ATP6V0A1: variants seen among roughly 807,000 people sequenced by gnomAD.
The protein encoded by ATP6V0A1 is ATPase H+ transporting V0 subunit a1, also known as V-type proton ATPase 116 kDa subunit a 1.
ATP6V0A1 carries 43 observed loss-of-function variants against 105.4 expected under a neutral mutation model. That is an observed-to-expected ratio of 0.41 (90% CI 0.32 to 0.53). The LOEUF (loss-of-function observed/expected upper bound fraction) is 0.53. Ranked by LOEUF, ATP6V0A1 falls within the 20% of genes least tolerant of loss-of-function variation. The pLI is 0.30. For missense variants in ATP6V0A1, 676 were observed against 1,051.1 expected (o/e 0.64, Z 4.93); for synonymous variants, 362 against 372.8 (o/e 0.97, Z 0.33).
Position 42,522,538 on chromosome 17 carries a change from A to G in ATP6V0A1, c.*1418A>G, listed in dbSNP as rs986600264. On this transcript the variant is annotated 3_prime_UTR_variant, in exon 22 of 22. Coordinates refer to ENST00000343619, the MANE Select transcript of ATP6V0A1 (RefSeq NM_001130021.3). ...AACCCTGCCCAAGGTCCTCCTGTTC[A>G]GACATTCCTATGTTGAATAAAGTAT... is the stretch of plus-strand genomic sequence containing the variant. 6.6e-6 allele frequency: 1 copy of G among 152,506 alleles called. No individual in the cohort carries two copies. The highest frequency in any genetic ancestry group is 1.5e-5 in the Non-Finnish European group (1 of 68,148). The allele number at this position is 152,506 out of a possible 1,614,324, so 9.4% of individuals were successfully genotyped here.
chr17:42,495,322 G>A (rs1438801222), intron 13 of ATP6V0A1, 134 bp downstream of exon 13: 2 of 973,096 alleles, frequency 2.1e-6, no homozygotes, highest in Middle Eastern at 2.9e-4. Flanking sequence ...CACACTGTGA[G>A]TTGCTTTGTG....
At chr17:42,495,224 T>G (rs1180504019) in intron 13 of ATP6V0A1, 36 bp downstream of exon 13, 1 of 1,604,820 alleles carries the variant, frequency 6.2e-7, no homozygotes, top group African/African-American at 1.3e-5. Flanking sequence ...CAAAGCTTAT[T>G]CCTTTCATGT....
At chr17:42,482,408 A>G (rs753745496) in intron 8 of ATP6V0A1, among the ~76,000 whole-genome samples, 6 of 152,096 alleles carry the variant, frequency 3.9e-5, no homozygotes, top group Non-Finnish European at 7.4e-5. Context: ...CAGCCTCCCA[A>G]AGTGCTGGGA....
intron 14 of ATP6V0A1, among the ~76,000 whole-genome samples, chr17:42,497,973 C>T (rs917949423): frequency 2.0e-5 from 3 of 151,500 alleles, no homozygotes; most frequent in African/African-American, 7.3e-5. Context: ...TGGCCGGGCG[C>T]AGTGACTCAA....
chr17:42,465,505 G>A (rs1317614248), intron 2 of ATP6V0A1, among the ~76,000 whole-genome samples: 1 of 151,704 alleles, frequency 6.6e-6, no homozygotes, highest in South Asian at 2.1e-4. Flanking sequence ...GGCCAGGCTG[G>A]TCTTGAACTC....
intron 7 of ATP6V0A1, 29 bp from the exon 8 acceptor site, chr17:42,480,638 A>T (rs1330810307): frequency 1.3e-6 from 2 of 1,593,986 alleles, no homozygotes; most frequent in Non-Finnish European, 8.5e-7. Flanking sequence ...CAGAAGTCTG[A>T]ACTCTTGTTT....
chr17:42,498,549 C>A (rs970085598), intron 14 of ATP6V0A1, among the ~76,000 whole-genome samples: 3 of 151,950 alleles, frequency 2.0e-5, no homozygotes, highest in African/African-American at 7.3e-5. Flanking sequence ...AATTGTCGAC[C>A]GGGCGCGGTG....
intron 10 of ATP6V0A1, among the ~76,000 whole-genome samples, chr17:42,487,878 TA>T (rs1387564786): frequency 6.6e-6 from 1 of 152,252 alleles, no homozygotes. Context: ...ATGTATATCA[TA>T]GCGTAGCATA....
intron 15 of ATP6V0A1, 21 bp downstream of exon 15, chr17:42,499,063 C>T (rs894120375): frequency 6.6e-7 from 1 of 1,506,456 alleles, no homozygotes. Context: ...CCATTTCTGT[C>T]ATAAGAATGT....
intron 17 of ATP6V0A1, chr17:42,507,255 G>A (rs1170367069): frequency 1.7e-5 from 6 of 357,124 alleles, no homozygotes; most frequent in Middle Eastern, 8.3e-4. Context: ...GGTGAGGCTG[G>A]TGCCTCTTGG....
Position 42,469,420 on chromosome 17 carries a change from T to G in ATP6V0A1, c.295-670T>G, listed in dbSNP as rs1013007486. The stretch of plus-strand genomic sequence containing the variant: ...ATCTTGGCTCACTGCAACCTCCGCC[T>G]CCCGGGTTCAAGCCATTCTCCTGCC... On this transcript the variant is annotated intron_variant, in intron 4 of 21. Transcript: ENST00000343619. 2.2e-5 allele frequency among the ~76,000 whole-genome samples: 3 copies of G among 138,770 alleles called. No homozygotes were observed. The Admixed American group carries it at 2.4e-4, about 11-fold the overall frequency. The allele number at this position is 138,770 out of a possible 152,430, so 91.0% of individuals were successfully genotyped here.
chr17:42,520,857 C>G (rs2092814866), intron 21 of ATP6V0A1, 170 bp from the exon 22 acceptor site: 1 of 650,692 alleles, frequency 1.5e-6, no homozygotes, highest in Non-Finnish European at 2.7e-6. Context: ...AACTCTTGAT[C>G]CCAGGCCTTA....
chr17:42,465,446 A>G (rs1257573213), intron 2 of ATP6V0A1, among the ~76,000 whole-genome samples: 2 of 150,606 alleles, frequency 1.3e-5, no homozygotes, highest in Non-Finnish European at 3.0e-5. Flanking sequence ...GTACACTACC[A>G]TGCCCGGCTA....
chr17:42,493,964 C>T (rs897438350), intron 11 of ATP6V0A1, among the ~76,000 whole-genome samples: 3 of 152,116 alleles, frequency 2.0e-5, no homozygotes, highest in Admixed American at 2.0e-4. Flanking sequence ...TTATGGAAGC[C>T]TGGGCACGGT....
At chr17:42,467,146 C>CAA (rs11320569) in intron 3 of ATP6V0A1, among the ~76,000 whole-genome samples, 1 of 144,824 alleles carries the variant, frequency 6.9e-6, no homozygotes. Flanking sequence ...GACTCCGTCT[C>CAA]AAAAAAAAAA....
chr17:42,495,226 CT>C, intron 13 of ATP6V0A1, 38 bp downstream of exon 13: 1 of 1,601,046 alleles, frequency 6.2e-7, no homozygotes, highest in Non-Finnish European at 8.5e-7. Context: ...AAGCTTATTC[CT>C]TTCATGTGCA....
chr17:42,502,526 T>A (rs2091757654), intron 17 of ATP6V0A1, among the ~76,000 whole-genome samples: 1 of 152,126 alleles, frequency 6.6e-6, no homozygotes, highest in Non-Finnish European at 1.5e-5. Flanking sequence ...AGAGTTAAAT[T>A]TGCGAGATGT....
At chr17:42,464,820 A>G (rs1353282090) in intron 2 of ATP6V0A1, among the ~76,000 whole-genome samples, 1 of 152,022 alleles carries the variant, frequency 6.6e-6, no homozygotes, top group Non-Finnish European at 1.5e-5. Context: ...TATTCTTTGT[A>G]TTTTCCCCAG....
chr17:42,520,958 A>G lies in ATP6V0A1; in HGVS notation c.2421-69A>G. On this transcript the variant is annotated intron_variant, in intron 21 of 21. Transcript: ENST00000343619. ...TGGGCACGGGGCATCTTTCCTGCCC[A>G]ACTGTGAAGTCCTAAAAAGCTTCAC... is the stretch of plus-strand genomic sequence containing the variant. 2.2e-6 allele frequency: 3 copies of G among 1,385,212 alleles called. No individual in the cohort carries two copies. The South Asian group carries it at 4.1e-5, about 19-fold the overall frequency. 85.8% of individuals were successfully genotyped at this position (1,385,212 alleles called of 1,614,324 possible). A position where few individuals can be genotyped will look rare whatever the true frequency, so the allele number is the denominator to read the frequency against.
Sources: gnomAD v4.1 joint callset for allele counts (sites outside exome capture counted in the v4.1 genomes callset) on GRCh38, gnomAD v4.1.1 for gene constraint, MANE v1.5 for transcripts, NCBI Gene and HGNC (gene_info 2026-07-23, HGNC 2026-07-21) for gene names.